The following RNF130 variants were observed in gnomAD, a reference collection of about 807,000 sequenced individuals.
The protein encoded by RNF130 is ring finger protein 130.
In RNF130, 21 loss-of-function variants were observed where a neutral mutation model predicts 44.6. That is an observed-to-expected ratio of 0.47 (90% CI 0.33 to 0.68). The LOEUF (loss-of-function observed/expected upper bound fraction) is 0.68, where lower values mean the gene tolerates loss of function less well. RNF130 is among the 30% of genes least tolerant of loss of function. The pLI, the probability that RNF130 is intolerant of heterozygous loss-of-function variation, is 0.02. For missense variants in RNF130, 479 were observed against 560.6 expected (o/e 0.85, Z 1.47); for synonymous variants, 214 against 210.4 (o/e 1.02, Z -0.15).
At chr5:179,992,408 C>T (rs905559326) in intron 3 of RNF130, among the ~76,000 whole-genome samples, 80 of 152,352 alleles carry the variant, frequency 5.3e-4, no homozygotes, top group African/African-American at 1.8e-3. Flanking sequence ...TCCCAAAGTG[C>T]TGGGATTACA....
chr5:180,036,147 T>C (rs1296072843), intron 2 of RNF130, among the ~76,000 whole-genome samples: 1 of 152,182 alleles, frequency 6.6e-6, no homozygotes, highest in Non-Finnish European at 1.5e-5. Context: ...CTCTGGATTC[T>C]GATATTTTCC....
At chr5:179,919,991 T>C in exon 8 of RNF130, 1 of 262,850 alleles carries the variant, frequency 3.8e-6, no homozygotes. Context: ...CAGAACAGCA[T>C]GTGATTGTTC....
chr5:180,040,919 T>C (rs1316497879), intron 1 of RNF130, among the ~76,000 whole-genome samples: 2 of 152,168 alleles, frequency 1.3e-5, no homozygotes, highest in African/African-American at 4.8e-5. Flanking sequence ...AAAGGACTGA[T>C]AATATCCAGT....
At chr5:179,972,242 C>G (rs1762601041) in intron 5 of RNF130, among the ~76,000 whole-genome samples, 1 of 152,204 alleles carries the variant, frequency 6.6e-6, no homozygotes, top group South Asian at 2.1e-4. Flanking sequence ...AGGCTTAACC[C>G]TTTTGGGGCA....
Position 180,071,758 on chromosome 5 carries a change from A to AGGCG in RNF130, c.-57_-56insCGCC. 9.5e-7 allele frequency: 1 copy of AGGCG among 1,050,132 alleles called. No homozygotes were observed. The highest frequency in any genetic ancestry group is 1.1e-6 in the Non-Finnish European group (1 of 872,912). The allele number at this position is 1,050,132 out of a possible 1,614,324, so 65.1% of individuals were successfully genotyped here. ...ACCGGGCTCCGGGGCCGGCGCCTAG[A>AGGCG]GGCGGGGCGGGCGCGGCCCGGGCGG... On this transcript the variant is annotated 5_prime_UTR_variant, in exon 1 of 9. Coordinates refer to ENST00000521389, the MANE Select transcript of RNF130 (RefSeq NM_018434.6).
intron 3 of RNF130, among the ~76,000 whole-genome samples, chr5:180,012,576 C>A (rs1561691769): frequency 6.6e-6 from 1 of 152,148 alleles, no homozygotes; most frequent in Non-Finnish European, 1.5e-5. Flanking sequence ...GGTCTTCCCC[C>A]ACTCACCCTT....
chr5:179,935,880 T>C (rs937078595), intron 7 of RNF130, among the ~76,000 whole-genome samples: 1 of 152,084 alleles, frequency 6.6e-6, no homozygotes, highest in African/African-American at 2.4e-5. Flanking sequence ...AATGCAAGCA[T>C]GTTAGAGCAG....
At chr5:180,032,151 T>C (rs1478395462) in intron 2 of RNF130, among the ~76,000 whole-genome samples, 2 of 152,254 alleles carry the variant, frequency 1.3e-5, no homozygotes, top group Non-Finnish European at 2.9e-5. Context: ...TTGTAGCTTA[T>C]CTTTTCATTG....
intron 6 of RNF130, among the ~76,000 whole-genome samples, chr5:179,967,984 A>G (rs1282029195): frequency 6.6e-6 from 1 of 152,256 alleles, no homozygotes; most frequent in Non-Finnish European, 1.5e-5. Flanking sequence ...AGAGGAGAAA[A>G]GTATTAGCAC....
intron 7 of RNF130, among the ~76,000 whole-genome samples, chr5:179,934,629 G>A (rs1296092994): frequency 4.0e-5 from 6 of 149,074 alleles, no homozygotes; most frequent in African/African-American, 7.4e-5. Context: ...GGCTCACTGC[G>A]AACTTATGGG....
intron 2 of RNF130, among the ~76,000 whole-genome samples, chr5:180,039,110 G>A (rs1279866613): frequency 6.6e-6 from 1 of 151,970 alleles, no homozygotes; most frequent in Non-Finnish European, 1.5e-5. Flanking sequence ...AAAGTTACAC[G>A]ACCCCAGTGA....
intron 3 of RNF130, among the ~76,000 whole-genome samples, chr5:179,993,316 T>A (rs998920099): frequency 2.0e-5 from 3 of 152,232 alleles, no homozygotes; most frequent in African/African-American, 7.2e-5. Flanking sequence ...TCCACAATGG[T>A]TGAACTAGTT....
At chr5:179,941,029 G>A (rs950574325) in intron 7 of RNF130, among the ~76,000 whole-genome samples, 16 of 151,820 alleles carry the variant, frequency 1.1e-4, no homozygotes, top group Non-Finnish European at 1.6e-4. Flanking sequence ...TTCAGTCCTC[G>A]CATTTCCTTT....
intron 5 of RNF130, among the ~76,000 whole-genome samples, chr5:179,975,632 T>C (rs1762701892): frequency 6.6e-6 from 1 of 151,550 alleles, no homozygotes; most frequent in African/African-American, 2.4e-5. Flanking sequence ...ATGCGTGGAG[T>C]GTAAGAGGAA....
chr5:180,055,810 T>C (rs1407639977), intron 1 of RNF130, among the ~76,000 whole-genome samples: 1 of 152,104 alleles, frequency 6.6e-6, no homozygotes, highest in African/African-American at 2.4e-5. Flanking sequence ...TTACAACTGG[T>C]GCGTGGCTCA....
chr5:179,949,497 T>A lies in RNF130; in HGVS notation c.1150+17309A>T, dbSNP rs558831106. 3.9e-3 allele frequency among the ~76,000 whole-genome samples: 582 copies of A among 147,918 alleles called. 5 individuals are homozygous for A. The highest frequency in any genetic ancestry group is 0.012 in the African/African-American group (502 of 40,304). ...CTGAAAATACTCTAGAAAAATACTT[T>A]AAAAAAAAAAGAAAGAAAAAACAAA... On this transcript the variant is annotated intron_variant, in intron 7 of 7. Transcript: ENST00000522208.
downstream of RNF130, among the ~76,000 whole-genome samples, chr5:179,952,237 A>C (rs1179209441): frequency 6.6e-6 from 1 of 152,162 alleles, no homozygotes; most frequent in Admixed American, 6.5e-5. Flanking sequence ...AAATTAATGA[A>C]ATAGAGAATA....
intron 1 of RNF130, among the ~76,000 whole-genome samples, chr5:180,046,207 G>A (rs564365200): frequency 1.1e-3 from 162 of 152,258 alleles, no homozygotes; most frequent in Middle Eastern, 3.4e-3. Context: ...CTCACTGACC[G>A]GGGCAGGTGC....
At chr5:180,010,662 T>C (rs1763572650) in intron 3 of RNF130, among the ~76,000 whole-genome samples, 1 of 152,150 alleles carries the variant, frequency 6.6e-6, no homozygotes. Context: ...GCCTGGCCCA[T>C]GATTCCACCT....
Sources: allele counts gnomAD v4.1 joint callset (sites outside exome capture counted in the v4.1 genomes callset), GRCh38; gene constraint gnomAD v4.1.1; transcripts MANE v1.5; gene names NCBI Gene and HGNC (gene_info 2026-07-23, HGNC 2026-07-21).